The following NTAN1 variants were observed in gnomAD, a reference collection of about 807,000 sequenced individuals.
NTAN1 encodes N-terminal asparagine amidase.
In NTAN1, 32 loss-of-function variants were observed where a neutral mutation model predicts 41.9. The ratio of observed to expected loss-of-function variants is 0.76; its 90% CI spans 0.58 to 1.03. The LOEUF (loss-of-function observed/expected upper bound fraction) is 1.03. Ranked by LOEUF, NTAN1 falls within the 50% of genes least tolerant of loss-of-function variation. NTAN1 has a pLI of 0.00. For missense variants in NTAN1, 377 were observed against 377.5 expected (o/e 1.00, Z 0.01); for synonymous variants, 140 against 139.5 (o/e 1.00, Z -0.03).
intron 8 of NTAN1, among the ~76,000 whole-genome samples, chr16:15,039,225 C>T (rs1222316317): frequency 1.3e-5 from 2 of 152,214 alleles, no homozygotes; most frequent in South Asian, 2.1e-4. Context: ...GTAACTGACA[C>T]TGAAATATGT....
At chr16:15,041,775 T>C (rs1351592405) in intron 5 of NTAN1, 99 bp from the exon 6 acceptor site, 5 of 860,526 alleles carry the variant, frequency 5.8e-6, no homozygotes, top group Non-Finnish European at 1.0e-5. Flanking sequence ...GGCAGCCAAC[T>C]GAGTGTGCTC....
chr16:15,044,403 C>A lies in NTAN1; in HGVS notation c.364G>T (p.Glu122Ter). The A allele has an allele frequency of 6.2e-7, 1 of 1,612,212 alleles. No homozygotes were observed. The highest frequency in any genetic ancestry group is 1.1e-5 in the South Asian group (1 of 91,048). Residue 122 changes from glutamate (E) to a stop codon, truncating the protein, a stop_gained, in exon 5 of 10, where the codon GAA (glutamate) becomes TAA (stop). Coordinates refer to ENST00000287706, the MANE Select transcript of NTAN1 (RefSeq NM_173474.4). LOFTEE classifies it high-confidence loss of function. ...FSDHAQCGRL[E>*]VHLVGGFSDD... ...CTGAAGCCTCCAACAAGGTGTACTT[C>A]CAGCCTGGCAAAGAGATGAGACGGG...
chr16:15,042,712 G>C (rs1039419989), intron 5 of NTAN1, among the ~76,000 whole-genome samples: 1 of 109,734 alleles, frequency 9.1e-6, no homozygotes, highest in Non-Finnish European at 2.1e-5. Flanking sequence ...TGGGTCAAAG[G>C]ATGAACTATT....
intron 4 of NTAN1, chr16:15,045,930 C>T (rs527873161): frequency 1.3e-5 from 2 of 152,322 alleles, no homozygotes; most frequent in Admixed American, 6.5e-5. Context: ...TAATAAACTC[C>T]AAGTAGTAGC....
At position 15,038,606 on chromosome 16, in the gene NTAN1, A is replaced by G; in HGVS notation, c.721T>C (p.Trp241Arg). ...SWTPFPHVDF[W>R]LHQDDKQILE... ...ATTTGCTTGTCATCTTGGTGCAACC[A>G]GAAATCCACATGTGGAAATGGTGTC... The change falls in exon 9 of 10, where the codon TGG becomes CGG. Residue 241 changes from tryptophan (W) to arginine (R), a missense_variant. Physicochemically the swap from Trp to Arg is moderately radical, Grantham distance 101. Coordinates refer to ENST00000287706, the MANE Select transcript of NTAN1 (RefSeq NM_173474.4). 1 of 1,607,024 alleles carries G rather than the reference A, an allele frequency of 6.2e-7. No individual in the cohort carries two copies. Among genetic ancestry groups the G allele is most frequent in the Non-Finnish European group, 8.5e-7 (1 of 1,173,684 alleles).
At chr16:15,040,113 G>A (rs767395752) in intron 7 of NTAN1, 47 bp from the exon 8 acceptor site, 49 of 1,061,074 alleles carry the variant, frequency 4.6e-5, no homozygotes, top group South Asian at 2.3e-4. Flanking sequence ...AGACCAAAGC[G>A]GAAAGTCTGC....
At chr16:15,044,182 G>A (rs1009585568) in intron 5 of NTAN1, 152 bp downstream of exon 5, 3 of 622,082 alleles carry the variant, frequency 4.8e-6, no homozygotes, top group Admixed American at 2.6e-5. Flanking sequence ...CAGTCTTTCT[G>A]TGAAATTCCA....
intron 4 of NTAN1, chr16:15,047,203 T>A: frequency 3.9e-6 from 2 of 517,804 alleles, no homozygotes; most frequent in South Asian, 3.0e-5. Context: ...CGACATCAAG[T>A]TCAAAGTCAA....
At chr16:15,041,170 GATT>G in intron 6 of NTAN1, 49 bp from the exon 7 acceptor site, 3 of 1,177,698 alleles carry the variant, frequency 2.5e-6, no homozygotes, top group Non-Finnish European at 3.8e-6. Context: ...AATACCAAAT[GATT>G]ATTTTTACTT....
At chr16:15,054,876 T>TGGG (rs1398121804) in intron 1 of NTAN1, among the ~76,000 whole-genome samples, 1 of 152,202 alleles carries the variant, frequency 6.6e-6, no homozygotes, top group Non-Finnish European at 1.5e-5. Context: ...TGTACAGCTG[T>TGGG]GACAGATGAA....
In NTAN1 at chr16:15,047,838, C is replaced by T. The variant is rs2044137700; in HGVS notation, c.250+17G>A. ...GGTCAGTTTAAGTAATGGTTTCCTT[C>T]ACCTCTCTCATCATACCTGTGTGCC... On this transcript the variant is annotated intron_variant, in intron 3 of 9. Transcript: ENST00000287706. The T allele has an allele frequency of 6.2e-7, 1 of 1,600,284 alleles. No individual in the cohort carries two copies. The highest frequency in any genetic ancestry group is 8.6e-7 in the Non-Finnish European group (1 of 1,167,410).
chr16:15,038,341 G>C (rs1447317953), intron 9 of NTAN1, 131 bp from the exon 10 acceptor site: 8 of 682,594 alleles, frequency 1.2e-5, no homozygotes, highest in Non-Finnish European at 1.9e-5. Flanking sequence ...GAGGTGGCCT[G>C]AATTAGTAAG....
Position 15,037,911 on chromosome 16 carries a change from A to G in NTAN1, c.*120T>C. The stretch of plus-strand genomic sequence containing the variant: ...TCATTTGATGAAAGTCATTTGAAAG[A>G]CACTGAGGAGGGAAGGAGGCCTAAG... On this transcript the variant is annotated 3_prime_UTR_variant, in exon 10 of 10. Coordinates refer to ENST00000287706, the MANE Select transcript of NTAN1 (RefSeq NM_173474.4). The G allele has an allele frequency of 1.6e-6, 1 of 632,130 alleles. No individual in the cohort carries two copies. Among genetic ancestry groups the G allele is most frequent in the South Asian group, 2.4e-5 (1 of 41,266 alleles). 39.2% of individuals were successfully genotyped at this position (632,130 alleles called of 1,614,324 possible). A position where few individuals can be genotyped will look rare whatever the true frequency, so the allele number is the denominator to read the frequency against.
rs1284188820 is a variant in NTAN1 at position 15,041,078 on chromosome 16, T to C, written c.531A>G (p.Ile177Met). 6.3e-7 allele frequency: 1 copy of C among 1,599,284 alleles called. No homozygotes were observed. Among genetic ancestry groups the C allele is most frequent in the South Asian group, 1.1e-5 (1 of 90,784 alleles). The change falls in exon 7 of 10, where the codon ATA (isoleucine) becomes ATG (methionine). Residue 177 changes from isoleucine to methionine, a missense_variant. Coordinates refer to ENST00000287706, the MANE Select transcript of NTAN1 (RefSeq NM_173474.4). ...REENENHFPV[I>M]YGIAVNIKTA... is the part of the protein sequence containing the mutation. The stretch of plus-strand genomic sequence containing the variant: ...ATGCACACTACTTACCAATGCCATA[T>C]ATTACTGGAAAGTGGTTTTCGTTTT...
chr16:15,048,208 G>A, intron 1 of NTAN1, 109 bp from the exon 2 acceptor site: 1 of 691,744 alleles, frequency 1.4e-6, no homozygotes, highest in East Asian at 2.7e-5. Flanking sequence ...ACGCTAGTGT[G>A]TGGGGAGTGT....
At chr16:15,039,175 G>T (rs2043689974) in intron 8 of NTAN1, among the ~76,000 whole-genome samples, 1 of 152,184 alleles carries the variant, frequency 6.6e-6, no homozygotes, top group African/African-American at 2.4e-5. Context: ...TCCCAAATTT[G>T]CCAATGGCAG....
intron 1 of NTAN1, among the ~76,000 whole-genome samples, chr16:15,051,408 A>T (rs1282171362): frequency 6.6e-6 from 1 of 152,182 alleles, no homozygotes; most frequent in Non-Finnish European, 1.5e-5. Flanking sequence ...GCTGGAGTGC[A>T]GCGGCGAGAT....
At chr16:15,038,421 T>C in intron 9 of NTAN1, 153 bp downstream of exon 9, 2 of 623,810 alleles carry the variant, frequency 3.2e-6, no homozygotes, top group Non-Finnish European at 5.7e-6. Flanking sequence ...CCCCATTTGA[T>C]ATACAAGTTA....
chr16:15,038,778 A>G (rs551030925), intron 8 of NTAN1, 91 bp from the exon 9 acceptor site: 2 of 689,210 alleles, frequency 2.9e-6, no homozygotes, highest in South Asian at 3.5e-5. Context: ...TAGTCCTTTC[A>G]TGCATTTATC....
Sources: allele counts gnomAD v4.1 joint callset (sites outside exome capture counted in the v4.1 genomes callset), GRCh38; gene constraint gnomAD v4.1.1; transcripts MANE v1.5; gene names NCBI Gene and HGNC (gene_info 2026-07-23, HGNC 2026-07-21).